PHF21B: variants seen among roughly 807,000 people sequenced by gnomAD.
PHF21B encodes the protein PHD finger protein 21B.
PHF21B carries 22 observed loss-of-function variants against 62.2 expected under a neutral mutation model. That is an observed-to-expected ratio of 0.35 (90% confidence interval 0.25 to 0.51). The LOEUF (loss-of-function observed/expected upper bound fraction) is 0.51. PHF21B is among the 20% of genes least tolerant of loss of function. The probability of loss-of-function intolerance (pLI) is 0.97; values close to 1 mark genes in which losing one functional copy is unlikely to be tolerated. For missense variants in PHF21B, 701 were observed against 707.9 expected, an observed-to-expected ratio of 0.99 and a Z score of 0.11; for synonymous variants, 341 against 314.7, an observed-to-expected ratio of 1.08 and a Z score of -0.88.
intron 2 of PHF21B, among the ~76,000 whole-genome samples, chr22:44,960,956 AT>A (rs58426065): frequency 2.1e-3 from 251 of 120,880 alleles, no homozygotes; most frequent in Middle Eastern, 0.013. Context: ...ACGTGAGTTG[AT>A]TTTTTTTTTT....
At chr22:44,884,410 T>TCAC (rs1170257520) in intron 12 of PHF21B, among the ~76,000 whole-genome samples, 2 of 35,158 alleles carry the variant, frequency 5.7e-5, no homozygotes, top group Non-Finnish European at 1.4e-4. Flanking sequence ...ATCACCACCA[T>TCAC]CACCACCACC....
chr22:44,963,181 G>A (rs1824675995), intron 2 of PHF21B, among the ~76,000 whole-genome samples: 1 of 152,246 alleles, frequency 6.6e-6, no homozygotes, highest in Non-Finnish European at 1.5e-5. Flanking sequence ...TGGGAACAGA[G>A]GGGAAACCTC....
chr22:45,000,342 G>A (rs1020859973), intron 2 of PHF21B, among the ~76,000 whole-genome samples: 1 of 151,980 alleles, frequency 6.6e-6, no homozygotes. Context: ...CAAGAGCCTC[G>A]GCTGCTGAAG....
intron 5 of PHF21B, among the ~76,000 whole-genome samples, chr22:44,907,175 CCA>C (rs1385170829): frequency 2.6e-5 from 4 of 152,336 alleles, no homozygotes; most frequent in African/African-American, 9.6e-5. Context: ...GTGGCCCCGC[CCA>C]CCCCCAGCCT....
At chr22:44,986,101 T>G (rs1275909072) in intron 2 of PHF21B, among the ~76,000 whole-genome samples, 5 of 130,612 alleles carry the variant, frequency 3.8e-5, no homozygotes, top group Non-Finnish European at 8.1e-5. Context: ...ACCATCCTCA[T>G]CACCACCATC....
At chr22:45,007,688 AAGGGGCGGGTGTGCGAGCGCGGGG>A (rs2073347751) in intron 2 of PHF21B, among the ~76,000 whole-genome samples, 1 of 69,170 alleles carries the variant, frequency 1.4e-5, no homozygotes, top group Non-Finnish European at 3.1e-5. Flanking sequence ...CTGCGCGGGG[AAGGGGCGGGTGTGCGAGCGCGGGG>A]AAGGGGCGGG....
chr22:44,882,986 GA>G lies in PHF21B; in HGVS notation c.*99del. On this transcript the variant is annotated 3_prime_UTR_variant, in exon 13 of 13. Transcript: ENST00000313237. ...TCCTCTGTCTGGTTAATTTTTGTCT[GA>G]AATTCATAGTGTTTATGAATTAAGG... 7.4e-7 allele frequency: 1 copy of G among 1,344,248 alleles called. No individual in the cohort carries two copies. Among genetic ancestry groups the G allele is most frequent in the East Asian group, 2.3e-5 (1 of 42,664 alleles). 83.3% of individuals were successfully genotyped at this position (1,344,248 alleles called of 1,614,324 possible).
chr22:44,902,683 GC>G (rs1322716590), intron 5 of PHF21B, among the ~76,000 whole-genome samples: 2 of 152,024 alleles, frequency 1.3e-5, no homozygotes, highest in Non-Finnish European at 2.9e-5. Context: ...GTGTATTTTA[GC>G]CATGTAGTTT....
chr22:44,910,051 T>C (rs2071318653), intron 5 of PHF21B, among the ~76,000 whole-genome samples: 1 of 152,204 alleles, frequency 6.6e-6, no homozygotes, highest in South Asian at 2.1e-4. Context: ...GCACGGAGCC[T>C]GGCAGGGAGC....
chr22:45,007,455 G>A (rs1377193443), intron 2 of PHF21B, among the ~76,000 whole-genome samples: 9 of 148,736 alleles, frequency 6.1e-5, no homozygotes, highest in Admixed American at 1.3e-4. Flanking sequence ...GGGGGCGCGC[G>A]GGGGCGGGCC....
chr22:44,958,748 G>A (rs1303061845), intron 2 of PHF21B, among the ~76,000 whole-genome samples: 1 of 151,748 alleles, frequency 6.6e-6, no homozygotes, highest in African/African-American at 2.4e-5. Flanking sequence ...TGGAATTACA[G>A]GCGCCTGCCA....
intron 2 of PHF21B, among the ~76,000 whole-genome samples, chr22:44,938,546 TAAG>T (rs2071894270): frequency 6.6e-6 from 1 of 152,206 alleles, no homozygotes; most frequent in Admixed American, 6.5e-5. Context: ...CTATATATTT[TAAG>T]AAGGACAAGA....
At chr22:44,921,936 G>C (rs2071545759) in intron 2 of PHF21B, among the ~76,000 whole-genome samples, 1 of 152,178 alleles carries the variant, frequency 6.6e-6, no homozygotes, top group Non-Finnish European at 1.5e-5. Flanking sequence ...TGGGATTATA[G>C]GCATGAGCCA....
In PHF21B at chr22:44,896,044, C is replaced by T; in HGVS notation, c.871G>A (p.Glu291Lys). Residue 291 changes from glutamate to lysine, a missense_variant, in exon 6 of 13, where the codon GAA becomes AAA. Coordinates refer to ENST00000313237, the MANE Select transcript of PHF21B (RefSeq NM_138415.5). ...FMVALGLVTT[E>K]HLEEIQSKRQ... The stretch of plus-strand genomic sequence containing the variant: ...GATCCTTCCTTACCTTCCAAATGTT[C>T]CGTGGTAACCAGGCCTAGCGCTACC... 6.2e-7 allele frequency: 1 copy of T among 1,614,162 alleles called. No individual in the cohort carries two copies. Among genetic ancestry groups the T allele is most frequent in the Non-Finnish European group, 8.5e-7 (1 of 1,180,036 alleles).
chr22:44,909,645 T>C (rs947017426), intron 5 of PHF21B, among the ~76,000 whole-genome samples: 7 of 152,250 alleles, frequency 4.6e-5, no homozygotes, highest in Non-Finnish European at 8.8e-5. Context: ...AGGACCAGGT[T>C]CCCACGTCTG....
At chr22:44,892,643 G>A (rs941962724) in intron 7 of PHF21B, among the ~76,000 whole-genome samples, 8 of 152,214 alleles carry the variant, frequency 5.3e-5, no homozygotes, top group Non-Finnish European at 8.8e-5. Context: ...TCTGGACTTC[G>A]GAGCTCTAAG....
chr22:44,962,697 A>G (rs919257973), intron 2 of PHF21B, among the ~76,000 whole-genome samples: 1 of 152,008 alleles, frequency 6.6e-6, no homozygotes. Context: ...GTCCCATATA[A>G]CCCAGCGTCT....
At chr22:44,934,270 G>A (rs545302016) in intron 2 of PHF21B, among the ~76,000 whole-genome samples, 19 of 152,286 alleles carry the variant, frequency 1.2e-4, no homozygotes, top group Non-Finnish European at 1.9e-4. Context: ...GTCCTGGAGC[G>A]TGGCGGTGAG....
In PHF21B at chr22:44,916,445, G is replaced by T. The variant is rs746015187; in HGVS notation, c.399C>A (p.Leu133=). ...GAGAGGCGAGGGCGGCGGGCTCGGC[G>T]AGGGCCTGGGGCTGGCTGCCGGGCG... ...VPAPGSQPQA[L]AEPAALASPL... Residue 133 remains leucine (L), a synonymous_variant, in exon 4 of 13, where the codon CTC becomes CTA. Transcript: ENST00000313237. 3 of 1,599,710 alleles carry T rather than the reference G, an allele frequency of 1.9e-6. No homozygotes were observed. In the Admixed American group the frequency reaches 5.1e-5, roughly 27 times the overall value.
Sources: allele counts gnomAD v4.1 joint callset (sites outside exome capture counted in the v4.1 genomes callset), GRCh38; gene constraint gnomAD v4.1.1; transcripts MANE v1.5; gene names NCBI Gene and HGNC (gene_info 2026-07-23, HGNC 2026-07-21).